ZNRF3: variants seen among roughly 807,000 people sequenced by gnomAD.
ZNRF3 encodes E3 ubiquitin-protein ligase ZNRF3.
ZNRF3 carries 23 observed loss-of-function variants against 72.5 expected under a neutral mutation model. That is an observed-to-expected ratio of 0.32 (90% CI 0.23 to 0.45). ZNRF3 has a LOEUF of 0.45. ZNRF3 is among the 20% of genes least tolerant of loss of function. ZNRF3 has a pLI of 1.00. For missense variants in ZNRF3, 1,169 were observed against 1,272.1 expected (o/e 0.92, Z 1.23); for synonymous variants, 610 against 545.3 (o/e 1.12, Z -1.65).
At chr22:28,969,953 G>A (rs2035540151) in intron 1 of ZNRF3, among the ~76,000 whole-genome samples, 1 of 152,130 alleles carries the variant, frequency 6.6e-6, no homozygotes, top group Non-Finnish European at 1.5e-5. Flanking sequence ...GGTTGGATGT[G>A]GGTAGGGGAG....
chr22:29,012,020 A>T (rs1162958807), intron 2 of ZNRF3, among the ~76,000 whole-genome samples: 2 of 152,206 alleles, frequency 1.3e-5, no homozygotes, highest in Admixed American at 6.5e-5. Context: ...CCAAAACAAA[A>T]AGGCCTGGTC....
intron 2 of ZNRF3, among the ~76,000 whole-genome samples, chr22:29,008,904 GTT>G (rs934558270): frequency 2.3e-4 from 35 of 152,308 alleles, no homozygotes; most frequent in African/African-American, 7.9e-4. Context: ...TTATACTGCT[GTT>G]GTGCTAGGGT....
rs1271684542 is a variant in ZNRF3, at chr22:29,030,277, T to A, written c.427-12218T>A. Among the ~76,000 whole-genome samples the A allele has an allele frequency of 6.6e-6, 1 of 152,214 alleles. No individual in the cohort carries two copies. Among genetic ancestry groups the A allele is most frequent in the Non-Finnish European group, 1.5e-5 (1 of 68,038 alleles). On this transcript the variant is annotated intron_variant, in intron 2 of 8. Coordinates refer to ENST00000544604, the MANE Select transcript of ZNRF3 (RefSeq NM_001206998.2). This position sits in a 1 kb window ranked among gnomAD's most constrained non-coding sequence, Gnocchi z 4.2. ...TGCATTTCCGTTTGACACCCACTAG[T>A]TTCTGATTGTGAAAAGGGTACCAAC... is the stretch of plus-strand genomic sequence containing the variant.
chr22:28,962,205 A>C (rs1467792459), intron 1 of ZNRF3, among the ~76,000 whole-genome samples: 1 of 152,208 alleles, frequency 6.6e-6, no homozygotes, highest in Non-Finnish European at 1.5e-5. Flanking sequence ...TGTAGCTCCT[A>C]CATTGCTGGT....
In ZNRF3 at chr22:28,985,709, C is replaced by T. The variant is rs139390624; in HGVS notation, c.301-1367C>T. ...ACATACTGGCTGTGTCTTGGAAAAG[C>T]CACTTATCTTGGATTTCTGTTCTCA... is the stretch of plus-strand genomic sequence containing the variant. On this transcript the variant is annotated intron_variant, in intron 1 of 8. Transcript: ENST00000544604. Among the ~76,000 whole-genome samples, 244 of 152,270 alleles carry T rather than the reference C, an allele frequency of 1.6e-3. 1 individual carries two copies. The highest frequency in any genetic ancestry group is 5.7e-3 in the African/African-American group (235 of 41,572).
At chr22:28,976,247 C>G (rs1398960895) in intron 1 of ZNRF3, among the ~76,000 whole-genome samples, 2 of 152,062 alleles carry the variant, frequency 1.3e-5, no homozygotes, top group Non-Finnish European at 1.5e-5. Flanking sequence ...AGAGCGGGAC[C>G]CTGTCTCAAA....
At chr22:28,938,371 T>G (rs777100077) in intron 1 of ZNRF3, among the ~76,000 whole-genome samples, 1 of 152,206 alleles carries the variant, frequency 6.6e-6, no homozygotes, top group Non-Finnish European at 1.5e-5. Flanking sequence ...AGGTGAGGTC[T>G]GGCACACCTC....
At chr22:28,923,872 G>A (rs2034550029) in intron 1 of ZNRF3, among the ~76,000 whole-genome samples, 1 of 152,264 alleles carries the variant, frequency 6.6e-6, no homozygotes, top group African/African-American at 2.4e-5. Context: ...ACGTCTAGAG[G>A]CTGGGTCTGG....
At chr22:28,991,279 C>CAA (rs59317059) in intron 2 of ZNRF3, among the ~76,000 whole-genome samples, 57 of 51,666 alleles carry the variant, frequency 1.1e-3, no homozygotes, top group African/African-American at 1.4e-3. Flanking sequence ...GACCCTCTCT[C>CAA]AAAAAAAAAA....
At position 29,055,291 on chromosome 22, in the gene ZNRF3, T is replaced by A. The variant is rs2037280007; in HGVS notation, c.*1669T>A. 6.6e-6 allele frequency: 1 copy of A among 152,212 alleles called. No homozygotes were observed. Among genetic ancestry groups the A allele is most frequent in the Non-Finnish European group, 1.5e-5 (1 of 68,040 alleles). The allele number at this position is 152,212 out of a possible 1,614,324, so 9.4% of individuals were successfully genotyped here. On this transcript the variant is annotated 3_prime_UTR_variant, in exon 9 of 9. Coordinates refer to ENST00000544604, the MANE Select transcript of ZNRF3 (RefSeq NM_001206998.2). ...ATTTATTCATTCATTCATCAGATAT[T>A]TGTTGCCATCTGAAAGAACTGGCCC...
chr22:28,982,115 A>T (rs2035774815), intron 1 of ZNRF3, among the ~76,000 whole-genome samples: 1 of 152,004 alleles, frequency 6.6e-6, no homozygotes, highest in Non-Finnish European at 1.5e-5. Flanking sequence ...CCTTAACTAG[A>T]TTGTTTGCCA....
chr22:28,999,946 G>C (rs370219958), intron 2 of ZNRF3, among the ~76,000 whole-genome samples: 4 of 152,196 alleles, frequency 2.6e-5, no homozygotes, highest in African/African-American at 9.6e-5. Context: ...GCAGAGACAT[G>C]CAATTACTTT....
chr22:29,007,553 G>A (rs2036276470), intron 2 of ZNRF3, among the ~76,000 whole-genome samples: 1 of 151,930 alleles, frequency 6.6e-6, no homozygotes, highest in Admixed American at 6.6e-5. Context: ...GAGACAAGAG[G>A]ATCGTTTGAG....
At chr22:29,021,249 T>A (rs2036533834) in intron 2 of ZNRF3, among the ~76,000 whole-genome samples, 1 of 151,670 alleles carries the variant, frequency 6.6e-6, no homozygotes, top group African/African-American at 2.4e-5. Context: ...AATAAATAAA[T>A]AAATAAATAA....
At chr22:29,007,748 CTTCCTTTT>C (rs2036281910) in intron 2 of ZNRF3, among the ~76,000 whole-genome samples, 1 of 107,164 alleles carries the variant, frequency 9.3e-6, no homozygotes, top group South Asian at 3.1e-4. Context: ...AATTCCATTT[CTTCCTTTT>C]TTTTTTTTTT....
chr22:28,937,196 TATATATATATATATA>T (rs1414233801), intron 1 of ZNRF3, among the ~76,000 whole-genome samples: 7 of 3,136 alleles, frequency 2.2e-3, no homozygotes, highest in African/African-American at 3.6e-3. Context: ...TATATATATA[TATATATATATATATA>T]TATATTTTTT....
At chr22:28,998,788 G>A (rs1481218773) in intron 2 of ZNRF3, among the ~76,000 whole-genome samples, 3 of 152,162 alleles carry the variant, frequency 2.0e-5, no homozygotes, top group Admixed American at 6.5e-5. Flanking sequence ...TCCACTGGGA[G>A]GCTTAAGAGA....
At chr22:28,926,554 T>C (rs2034605629) in intron 1 of ZNRF3, among the ~76,000 whole-genome samples, 2 of 151,560 alleles carry the variant, frequency 1.3e-5, no homozygotes, top group African/African-American at 4.8e-5. Flanking sequence ...ACACCTGTAA[T>C]CCCAGCACTT....
intron 2 of ZNRF3, among the ~76,000 whole-genome samples, chr22:28,991,962 G>A (rs1043537094): frequency 1.3e-5 from 2 of 151,870 alleles, no homozygotes; most frequent in Admixed American, 6.6e-5. Context: ...GGGCAACATA[G>A]TGAGACCTCC....
Sources: gnomAD v4.1 joint callset for allele counts (sites outside exome capture counted in the v4.1 genomes callset) on GRCh38, gnomAD v4.1.1 for gene constraint, Gnocchi (gnomAD v3.1) non-coding constraint, MANE v1.5 for transcripts, NCBI Gene and HGNC (gene_info 2026-07-23, HGNC 2026-07-21) for gene names.